Variants in DNAJC11 observed in about 807,000 individuals in gnomAD.
DNAJC11 encodes the protein dnaJ homolog subfamily C member 11.
A neutral mutation model predicts 78.6 loss-of-function variants in DNAJC11; 15 were observed. The ratio of observed to expected loss-of-function variants is 0.19; its 90% CI spans 0.13 to 0.29. The LOEUF (loss-of-function observed/expected upper bound fraction) is 0.29. Ranked by LOEUF, DNAJC11 falls within the 10% of genes least tolerant of loss-of-function variation. The pLI is 1.00. For missense variants in DNAJC11, 547 were observed against 709.6 expected (o/e 0.77, Z 2.60); for synonymous variants, 292 against 272.1 (o/e 1.07, Z -0.72).
At chr1:6,659,720 C>T (rs1443123712) in intron 4 of DNAJC11, among the ~76,000 whole-genome samples, 1 of 152,002 alleles carries the variant, frequency 6.6e-6, no homozygotes, top group Non-Finnish European at 1.5e-5. Flanking sequence ...AGGACAGTGC[C>T]ACTGCACTCC....
intron 3 of DNAJC11, chr1:6,668,137 TTTC>T (rs1316505804): frequency 8.4e-6 from 2 of 237,000 alleles, no homozygotes; most frequent in African/African-American, 2.6e-5. Flanking sequence ...TATGAATTTC[TTTC>T]TTTTTTTTCT....
chr1:6,666,518 C>G (rs1032049523), intron 4 of DNAJC11, among the ~76,000 whole-genome samples: 1 of 151,512 alleles, frequency 6.6e-6, no homozygotes, highest in Admixed American at 6.6e-5. Flanking sequence ...TCCCAAGTAG[C>G]TGAAATTACT....
intron 7 of DNAJC11, among the ~76,000 whole-genome samples, chr1:6,648,392 G>A (rs572891677): frequency 1.3e-5 from 2 of 152,292 alleles, no homozygotes; most frequent in East Asian, 3.9e-4. Flanking sequence ...CTGACCTCAG[G>A]CGACCCGCCT....
chr1:6,691,188 G>GAAA (rs5772249), intron 1 of DNAJC11, among the ~76,000 whole-genome samples: 49 of 125,192 alleles, frequency 3.9e-4, no homozygotes, highest in African/African-American at 1.3e-3. Context: ...CCCAAAGACT[G>GAAA]AAAAAAAAAA....
At position 6,670,111 on chromosome 1, in the gene DNAJC11, G is replaced by A. The variant is rs549016221; in HGVS notation, c.277-2301C>T. 4.7e-3 allele frequency among the ~76,000 whole-genome samples: 718 copies of A among 151,968 alleles called. 4 individuals are homozygous for A. Among genetic ancestry groups the A allele is most frequent in the Non-Finnish European group, 8.5e-3 (578 of 67,974 alleles). The stretch of plus-strand genomic sequence containing the variant: ...TGGGACAACAGGTGTGCGGCACCAC[G>A]CCTGGTTAATTTTTTTTTTGTATTT... On this transcript the variant is annotated intron_variant, in intron 3 of 15. Coordinates refer to ENST00000377577, the MANE Select transcript of DNAJC11 (RefSeq NM_018198.4).
chr1:6,666,837 T>C (rs992448880), intron 4 of DNAJC11, among the ~76,000 whole-genome samples: 1 of 152,192 alleles, frequency 6.6e-6, no homozygotes, highest in Non-Finnish European at 1.5e-5. Context: ...ACCGGGGAGC[T>C]CCCAGCTCCT....
At chr1:6,635,824 G>C (rs1165165692) in intron 15 of DNAJC11, 124 bp from the exon 16 acceptor site, 7 of 1,226,558 alleles carry the variant, frequency 5.7e-6, no homozygotes, top group African/African-American at 4.6e-5. Context: ...CAGAGCACCC[G>C]CTGCTGAAAA....
chr1:6,645,672 G>A lies in DNAJC11; in HGVS notation c.894+117C>T. On this transcript the variant is annotated intron_variant, in intron 8 of 15. Transcript: ENST00000377577. This position sits in a 1 kb window ranked among gnomAD's most constrained non-coding sequence, Gnocchi z 4.1. ...CCGAGAGCCTGCCCCTCAGGGCCCT[G>A]TATGGGCTTAGACTTAGTGGTGATC... 8.3e-7 allele frequency: 1 copy of A among 1,205,294 alleles called. No homozygotes were observed. Among genetic ancestry groups the A allele is most frequent in the Admixed American group, 2.1e-5 (1 of 47,198 alleles). The allele number at this position is 1,205,294 out of a possible 1,614,324, so 74.7% of individuals were successfully genotyped here.
Position 6,639,996 on chromosome 1 carries a change from T to C in DNAJC11, c.1159A>G (p.Ser387Gly). The change falls in exon 11 of 16, where the codon AGC becomes GGC. Residue 387 changes from serine (S) to glycine (G), a missense_variant. Coordinates refer to ENST00000377577, the MANE Select transcript of DNAJC11 (RefSeq NM_018198.4). ...PIHLTDQLLP[S>G]AMFYATVGPL... Reference sequence around the variant, plus strand: ...CCCACGGTGGCATAGAACATGGCGCTGGGCAGAAGCTGGTCCGTCAAGTGA... The same window carrying C: ...CCCACGGTGGCATAGAACATGGCGCCGGGCAGAAGCTGGTCCGTCAAGTGA... 3 of 1,590,688 alleles carry C rather than the reference T, an allele frequency of 1.9e-6. No homozygotes were observed. Among genetic ancestry groups the C allele is most frequent in the Non-Finnish European group, 2.6e-6 (3 of 1,172,332 alleles).
intron 4 of DNAJC11, 89 bp from the exon 5 acceptor site, chr1:6,654,128 T>C (rs933125378): frequency 1.9e-5 from 29 of 1,519,068 alleles, no homozygotes; most frequent in African/African-American, 2.8e-5. Flanking sequence ...CTCGCTTTAA[T>C]TGAACAAGTC....
At chr1:6,701,699 GC>G (rs1642932667) in intron 1 of DNAJC11, 29 bp downstream of exon 1, 8 of 1,518,848 alleles carry the variant, frequency 5.3e-6, no homozygotes, top group Non-Finnish European at 4.4e-6. Flanking sequence ...CTCGGCCTCA[GC>G]CCCCAGAGCG....
intron 10 of DNAJC11, among the ~76,000 whole-genome samples, chr1:6,643,482 A>G (rs537846972): frequency 3.2e-4 from 49 of 152,030 alleles, no homozygotes; most frequent in South Asian, 2.9e-3. Flanking sequence ...TCACCGTGTT[A>G]GCCAGGATGG....
chr1:6,697,795 C>CT (rs1449835197), intron 1 of DNAJC11, among the ~76,000 whole-genome samples: 2 of 147,646 alleles, frequency 1.4e-5, no homozygotes, highest in Non-Finnish European at 3.0e-5. Flanking sequence ...TTATATACCT[C>CT]TATTATGCTT....
intron 1 of DNAJC11, among the ~76,000 whole-genome samples, chr1:6,690,195 G>A (rs185873387): frequency 1.8e-4 from 28 of 152,152 alleles, no homozygotes; most frequent in African/African-American, 5.1e-4. Context: ...AGGAAGAGGC[G>A]TTTACAATAT....
chr1:6,636,118 C>T lies in DNAJC11; in HGVS notation c.1653G>A (p.Gln551=). The T allele has an allele frequency of 6.2e-7, 1 of 1,613,704 alleles. No homozygotes were observed. The highest frequency in any genetic ancestry group is 8.5e-7 in the Non-Finnish European group (1 of 1,179,800). The part of the protein sequence containing the change: ...LDSEALRIPK[Q]SHRIDTDG ...GACTGCGAAGGGACGGCTACTCACA[C>T]TGCTTTGGTATCCGGAGGGCCTCAC... The change falls in exon 15 of 16, where the codon CAG becomes CAA. Residue 551 remains glutamine (Q), a splice_region_variant and synonymous_variant. Coordinates refer to ENST00000377577, the MANE Select transcript of DNAJC11 (RefSeq NM_018198.4).
chr1:6,672,092 C>A (rs1312928886), intron 3 of DNAJC11, among the ~76,000 whole-genome samples: 2 of 152,156 alleles, frequency 1.3e-5, no homozygotes, highest in African/African-American at 4.8e-5. Flanking sequence ...GCCTTGACTT[C>A]CCAAAGTGTT....
chr1:6,689,838 A>G (rs1642717079), intron 1 of DNAJC11, among the ~76,000 whole-genome samples: 1 of 152,138 alleles, frequency 6.6e-6, no homozygotes. Context: ...TAAGGAGGAC[A>G]GGGAATGTGC....
At chr1:6,697,393 G>A (rs1642854343) in intron 1 of DNAJC11, among the ~76,000 whole-genome samples, 1 of 152,144 alleles carries the variant, frequency 6.6e-6, no homozygotes, top group Non-Finnish European at 1.5e-5. Context: ...TAGTGGGAGT[G>A]GAATGAAACT....
rs180763748 is a variant in DNAJC11, at chr1:6,649,821, C to T, written c.704+1708G>A. On this transcript the variant is annotated intron_variant, in intron 7 of 15. Transcript: ENST00000377577. The stretch of plus-strand genomic sequence containing the variant: ...CTCCTGGGTTCAAGAGATCCTCCCA[C>T]CTCAGCCTCCCAAGTAGCTGGGACT... 1.1e-4 allele frequency among the ~76,000 whole-genome samples: 16 copies of T among 150,960 alleles called. No individual in the cohort carries two copies. The East Asian group carries it at 3.1e-3, about 29-fold the overall frequency.
Sources: allele counts gnomAD v4.1 joint callset (sites outside exome capture counted in the v4.1 genomes callset), GRCh38; gene constraint gnomAD v4.1.1; non-coding constraint Gnocchi (gnomAD v3.1); transcripts MANE v1.5; gene names NCBI Gene and HGNC (gene_info 2026-07-23, HGNC 2026-07-21).